The following MYO7A variants were observed in gnomAD, a reference collection of about 807,000 sequenced individuals.
MYO7A encodes myosin VIIA, also known as unconventional myosin-VIIa.
In MYO7A, 210 loss-of-function variants were observed where a neutral mutation model predicts 263.8. That is an observed-to-expected ratio of 0.80 (90% CI 0.71 to 0.89). The LOEUF is 0.89. Ranked by LOEUF, MYO7A falls within the 40% of genes least tolerant of loss-of-function variation. The pLI, the probability that MYO7A is intolerant of heterozygous loss-of-function variation, is 0.00. For missense variants in MYO7A, 2,820 were observed against 2,968.3 expected, an observed-to-expected ratio of 0.95 and a Z score of 1.16; for synonymous variants, 1,239 against 1,197.3, an observed-to-expected ratio of 1.03 and a Z score of -0.72.
chr11:77,178,932 A>G, intron 19 of MYO7A, 113 bp from the exon 20 acceptor site: 4 of 787,068 alleles, frequency 5.1e-6, no homozygotes, highest in Non-Finnish European at 2.2e-6. Context: ...GCCCAAGGTC[A>G]TATAGCTAGG....
In MYO7A at chr11:77,204,215, C is replaced by A. The variant is rs548620787; in HGVS notation, c.5466C>A (p.Thr1822=). The A allele has an allele frequency of 1.3e-6, 2 of 1,575,800 alleles. No homozygotes were observed. The highest frequency in any genetic ancestry group is 2.4e-5 in the East Asian group (1 of 42,444). The change falls in exon 39 of 49, where the codon ACC becomes ACA. Residue 1822 remains threonine (T), a synonymous_variant. Transcript: ENST00000409709. ...EAYVQILKQL[T]DNHIRYSEER... is the part of the protein sequence containing the mutation. ...ATGTGCAGATCCTGAAGCAGCTGACCGACAACCACATCAGGTGAGCCAGGC... is the reference window on the plus strand; with the variant it reads ...ATGTGCAGATCCTGAAGCAGCTGACAGACAACCACATCAGGTGAGCCAGGC...
Position 77,164,797 on chromosome 11 carries a change from G to A in MYO7A, c.1691-1259G>A, listed in dbSNP as rs78123165. On this transcript the variant is annotated intron_variant, in intron 14 of 48. Coordinates refer to ENST00000409709, the MANE Select transcript of MYO7A (RefSeq NM_000260.4). ...ATGCTGAGTTGTAAAACTATAGAAC[G>A]CCAGGTCTGGAGGGAACATAAGGGT... Among the ~76,000 whole-genome samples, 170 of 152,272 alleles carry A rather than the reference G, an allele frequency of 1.1e-3. 1 individual carries two copies. Among genetic ancestry groups the A allele is most frequent in the African/African-American group, 3.7e-3 (154 of 41,554 alleles).
intron 21 of MYO7A, 91 bp downstream of exon 21, chr11:77,180,044 C>T (rs1555083118): frequency 1.5e-6 from 2 of 1,322,538 alleles, no homozygotes; most frequent in Non-Finnish European, 2.0e-6. Flanking sequence ...GGAAGTGGGA[C>T]CTATAGGGGG....
chr11:77,175,156 C>G (rs782060273), intron 17 of MYO7A, among the ~76,000 whole-genome samples: 6 of 152,186 alleles, frequency 3.9e-5, no homozygotes, highest in Non-Finnish European at 8.8e-5. Context: ...CACGCGGGCC[C>G]TGGATGTCAG....
chr11:77,206,807 C>T (rs1045134361), intron 41 of MYO7A, among the ~76,000 whole-genome samples: 4 of 152,174 alleles, frequency 2.6e-5, no homozygotes, highest in Non-Finnish European at 5.9e-5. Context: ...CTCAGAAATG[C>T]CATAACAGGA....
chr11:77,180,438 T>C lies in MYO7A; in HGVS notation c.2651T>C (p.Met884Thr). Residue 884 changes from methionine (M) to threonine (T), a missense_variant, in exon 22 of 49, where the codon ATG (methionine) becomes ACG (threonine). Physicochemically the swap from Met to Thr is moderately conservative, Grantham distance 81. Coordinates refer to ENST00000409709, the MANE Select transcript of MYO7A (RefSeq NM_000260.4). ...GAGGAAGAGAAGCTTCGGAAGGAGA[T>C]GAGCGCCAAGAAGGCCAAGGAGGAG... Reference protein sequence around the residue: ...LAEEEKLRKEMSAKKAKEEAE... With the variant: ...LAEEEKLRKETSAKKAKEEAE... The C allele has an allele frequency of 1.9e-6, 3 of 1,612,364 alleles. No individual in the cohort carries two copies. The highest frequency in any genetic ancestry group is 2.2e-5 in the East Asian group (1 of 44,866).
At chr11:77,161,491 T>G (rs185033542) in intron 12 of MYO7A, among the ~76,000 whole-genome samples, 2 of 152,204 alleles carry the variant, frequency 1.3e-5, no homozygotes, top group Non-Finnish European at 2.9e-5. Flanking sequence ...ATTCTGTGCC[T>G]TTTAGGGGCC....
intron 33 of MYO7A, 40 bp downstream of exon 33, chr11:77,197,638 T>C: frequency 8.6e-7 from 1 of 1,160,672 alleles, no homozygotes; most frequent in Non-Finnish European, 1.3e-6. Flanking sequence ...CCTTGCTCTG[T>C]AGCTCCAGCC....
At chr11:77,175,293 T>C in intron 17 of MYO7A, 79 bp from the exon 18 acceptor site, 2 of 1,342,786 alleles carry the variant, frequency 1.5e-6, no homozygotes, top group Non-Finnish European at 2.1e-6. Context: ...GAGCCCTGCC[T>C]CTCAGCCTCG....
At chr11:77,160,847 T>C (rs566715502) in intron 11 of MYO7A, 126 bp from the exon 12 acceptor site, 1 of 1,059,844 alleles carries the variant, frequency 9.4e-7, no homozygotes, top group African/African-American at 1.6e-5. Flanking sequence ...AAGTAAAGGG[T>C]TGGGGGTTTC....
intron 32 of MYO7A, among the ~76,000 whole-genome samples, chr11:77,196,753 G>A (rs529610156): frequency 2.6e-5 from 4 of 152,178 alleles, no homozygotes; most frequent in South Asian, 2.1e-4. Context: ...AGATGGGGCC[G>A]TCTGTGAGCT....
Position 77,183,070 on chromosome 11 carries a change from C to A in MYO7A, c.3288C>A (p.Ala1096=), listed in dbSNP as rs1332353339. 12 of 1,551,060 alleles carry A rather than the reference C, an allele frequency of 7.7e-6. No individual in the cohort carries two copies. The highest frequency in any genetic ancestry group is 1.0e-5 in the Non-Finnish European group (12 of 1,147,082). The stretch of plus-strand genomic sequence containing the variant: ...CCTGATCCCTGCTGGTCCTGCAGGC[C>A]CAGCTCCCCGAGGGCCAGAAGAAGA... ...ELQALQGEGE[A]QLPEGQKKSS... The change falls in exon 26 of 49, where the codon GCC becomes GCA. Residue 1096 remains alanine (A), a splice_region_variant and synonymous_variant. Transcript: ENST00000409709.
chr11:77,181,633 C>T (rs782163292), intron 23 of MYO7A, 44 bp downstream of exon 23: 3 of 1,562,412 alleles, frequency 1.9e-6, no homozygotes, highest in Non-Finnish European at 2.6e-6. Context: ...ACACACACCG[C>T]TTGTGTTGAT....
chr11:77,133,782 G>A (rs1591171443), intron 2 of MYO7A, among the ~76,000 whole-genome samples: 2 of 152,128 alleles, frequency 1.3e-5, no homozygotes, highest in Admixed American at 6.5e-5. Flanking sequence ...TATGTTTTCT[G>A]TATGTCTTAT....
intron 2 of MYO7A, among the ~76,000 whole-genome samples, chr11:77,137,148 AAGG>A (rs1323154477): frequency 1.3e-5 from 2 of 152,068 alleles, no homozygotes; most frequent in Non-Finnish European, 2.9e-5. Context: ...TGACTGGGGG[AAGG>A]ACCTCTCCTG....
intron 15 of MYO7A, among the ~76,000 whole-genome samples, chr11:77,167,045 G>A (rs1398371879): frequency 6.6e-6 from 1 of 152,248 alleles, no homozygotes; most frequent in African/African-American, 2.4e-5. Flanking sequence ...TCAGCGGCCT[G>A]GGTGGGGCTT....
In MYO7A at chr11:77,212,974, C is replaced by T; in HGVS notation, c.6377C>T (p.Pro2126Leu). The change falls in exon 47 of 49, where the codon CCT becomes CTT. Residue 2126 changes from proline to leucine, a missense_variant. Transcript: ENST00000409709. ...TAGCAAACTACGGAGCCAAACTTCCCTGAGATCCTCCTAATTGCCATCAAC... is the reference window on the plus strand; with the variant it reads ...TAGCAAACTACGGAGCCAAACTTCCTTGAGATCCTCCTAATTGCCATCAAC... ...EVKQTTEPNFPEILLIAINKY... is the reference protein window; with the variant it reads ...EVKQTTEPNFLEILLIAINKY... 1 of 1,596,174 alleles carries T rather than the reference C, an allele frequency of 6.3e-7. No homozygotes were observed. The highest frequency in any genetic ancestry group is 8.5e-7 in the Non-Finnish European group (1 of 1,170,956).
chr11:77,204,060 C>T lies in MYO7A; in HGVS notation c.5327-16C>T. Reference sequence around the variant, plus strand: ...CTCCCTCTATTCGGCACAAGCCCTTCCTTGACAGTCCCCAGCTGTGCTCAA... The same window carrying T: ...CTCCCTCTATTCGGCACAAGCCCTTTCTTGACAGTCCCCAGCTGTGCTCAA... On this transcript the variant is annotated splice_polypyrimidine_tract_variant and intron_variant, in intron 38 of 48. Coordinates refer to ENST00000409709, the MANE Select transcript of MYO7A (RefSeq NM_000260.4). 1 of 1,591,146 alleles carries T rather than the reference C, an allele frequency of 6.3e-7. No individual in the cohort carries two copies. Among genetic ancestry groups the T allele is most frequent in the South Asian group, 1.1e-5 (1 of 87,012 alleles).
chr11:77,205,388 TCACCCGGGGGTG>T, intron 39 of MYO7A, 62 bp from the exon 40 acceptor site: 1 of 1,497,994 alleles, frequency 6.7e-7, no homozygotes, highest in Non-Finnish European at 8.9e-7. Flanking sequence ...CATGGCCCCC[TCACCCGGGGGTG>T]CACAGGTCCT....
Sources: gnomAD v4.1 joint callset for allele counts (sites outside exome capture counted in the v4.1 genomes callset) on GRCh38, gnomAD v4.1.1 for gene constraint, MANE v1.5 for transcripts, NCBI Gene and HGNC (gene_info 2026-07-23, HGNC 2026-07-21) for gene names.